ST6GALNAC3: variants seen among roughly 807,000 people sequenced by gnomAD.
ST6GALNAC3 encodes ST6 N-acetylgalactosaminide alpha-2,6-sialyltransferase 3, also known as alpha-N-acetylgalactosaminide alpha-2,6-sialyltransferase 3.
ST6GALNAC3 carries 25 observed loss-of-function variants against 32.7 expected under a neutral mutation model. The ratio of observed to expected loss-of-function variants is 0.76; its 90% confidence interval spans 0.56 to 1.07. The LOEUF is 1.07. Among genes scored for constraint, ST6GALNAC3 ranks in the 50% least tolerant of loss-of-function variants. The probability of loss-of-function intolerance (pLI) is 0.00; values close to 1 mark genes in which losing one functional copy is unlikely to be tolerated. For synonymous variants in ST6GALNAC3, 129 were observed against 133.1 expected, an observed-to-expected ratio of 0.97 and a Z score of 0.21; for missense variants, 355 against 382.4, an observed-to-expected ratio of 0.93 and a Z score of 0.60.
At chr1:76,606,295 G>T (rs991815487) in intron 3 of ST6GALNAC3, among the ~76,000 whole-genome samples, 3 of 152,132 alleles carry the variant, frequency 2.0e-5, no homozygotes, top group African/African-American at 7.2e-5. Flanking sequence ...ATTCACAATA[G>T]CAAAGACATG....
chr1:76,636,085 A>T (rs984541079), downstream of ST6GALNAC3, among the ~76,000 whole-genome samples: 1 of 152,138 alleles, frequency 6.6e-6, no homozygotes, highest in Non-Finnish European at 1.5e-5. Flanking sequence ...TTTCAGAAAA[A>T]AATTTTTGTG....
intron 3 of ST6GALNAC3, among the ~76,000 whole-genome samples, chr1:76,547,136 A>G (rs1664344971): frequency 6.6e-6 from 1 of 152,232 alleles, no homozygotes; most frequent in Admixed American, 6.5e-5. Context: ...TCCAAGCCAT[A>G]GGCTTCTTGC....
intron 1 of ST6GALNAC3, among the ~76,000 whole-genome samples, chr1:76,134,012 C>T (rs551018350): frequency 1.3e-5 from 2 of 152,288 alleles, no homozygotes; most frequent in African/African-American, 4.8e-5. Context: ...GTCCAGGAGC[C>T]ATTGACACAT....
At chr1:76,165,419 TTGA>T (rs1322782082) in intron 1 of ST6GALNAC3, among the ~76,000 whole-genome samples, 1 of 150,012 alleles carries the variant, frequency 6.7e-6, no homozygotes, top group Non-Finnish European at 1.5e-5. Flanking sequence ...CAGTCTATCA[TTGA>T]TGAGCATTTA....
At chr1:76,261,772 TC>T (rs1213164231) in intron 1 of ST6GALNAC3, among the ~76,000 whole-genome samples, 2 of 152,062 alleles carry the variant, frequency 1.3e-5, no homozygotes, top group African/African-American at 4.8e-5. Flanking sequence ...GGGCCCTAAC[TC>T]CCCTCTTTTG....
At chr1:76,392,720 A>G (rs1652660044) in intron 2 of ST6GALNAC3, among the ~76,000 whole-genome samples, 1 of 152,200 alleles carries the variant, frequency 6.6e-6, no homozygotes, top group Non-Finnish European at 1.5e-5. Context: ...CAATTCATGA[A>G]GGATATTTTT....
intron 1 of ST6GALNAC3, among the ~76,000 whole-genome samples, chr1:76,126,643 T>C (rs1390453531): frequency 6.6e-6 from 1 of 152,176 alleles, no homozygotes; most frequent in Admixed American, 6.5e-5. Flanking sequence ...GGGCTTTGGA[T>C]TCAGAGCCAT....
intron 3 of ST6GALNAC3, among the ~76,000 whole-genome samples, chr1:76,617,347 A>G (rs2100690324): frequency 6.6e-6 from 1 of 152,076 alleles, no homozygotes; most frequent in Admixed American, 6.6e-5. Context: ...AATATATTCC[A>G]ACCTGTTACA....
At chr1:76,148,309 A>G (rs1048759368) in intron 1 of ST6GALNAC3, among the ~76,000 whole-genome samples, 1 of 152,190 alleles carries the variant, frequency 6.6e-6, no homozygotes, top group African/African-American at 2.4e-5. Flanking sequence ...AAGCTCTGTT[A>G]TAAAAATTTC....
chr1:76,477,681 G>C (rs550771854), intron 3 of ST6GALNAC3, among the ~76,000 whole-genome samples: 1 of 152,172 alleles, frequency 6.6e-6, no homozygotes, highest in South Asian at 2.1e-4. Flanking sequence ...GCATTCTTGG[G>C]GCTCTTCACT....
Position 76,634,086 on chromosome 1 carries a change from A to T in ST6GALNAC3, c.*5280A>T. The T allele has an allele frequency of 1.2e-6, 1 of 868,964 alleles. No individual in the cohort carries two copies. The highest frequency in any genetic ancestry group is 1.4e-6 in the Non-Finnish European group (1 of 724,762). The allele number at this position is 868,964 out of a possible 1,614,324, so 53.8% of individuals were successfully genotyped here. On this transcript the variant is annotated 3_prime_UTR_variant, in exon 5 of 5. Transcript: ENST00000328299. ...CTACTTGTTTGTTTCTTTTCAGAAT[A>T]GGCACTTTTTTTTGAGTAGAAAACC...
chr1:76,361,421 C>T (rs1335511393), intron 2 of ST6GALNAC3, among the ~76,000 whole-genome samples: 2 of 152,096 alleles, frequency 1.3e-5, no homozygotes, highest in African/African-American at 4.8e-5. Flanking sequence ...CCTCCTATTT[C>T]CCATATAATA....
chr1:76,170,371 T>C (rs939708258), intron 1 of ST6GALNAC3, among the ~76,000 whole-genome samples: 2 of 152,104 alleles, frequency 1.3e-5, no homozygotes, highest in African/African-American at 4.8e-5. Context: ...TGGTGTTGGC[T>C]TGGGGGTGGG....
chr1:76,286,055 T>A (rs532804640), intron 1 of ST6GALNAC3, among the ~76,000 whole-genome samples: 1 of 152,182 alleles, frequency 6.6e-6, no homozygotes, highest in Non-Finnish European at 1.5e-5. Context: ...AACATTCTAC[T>A]GGAAGGAGGC....
intron 3 of ST6GALNAC3, among the ~76,000 whole-genome samples, chr1:76,621,973 T>G (rs1169843892): frequency 6.6e-6 from 1 of 152,032 alleles, no homozygotes; most frequent in Non-Finnish European, 1.5e-5. Context: ...CCCCTGAGTA[T>G]AACAGATTTC....
intron 1 of ST6GALNAC3, among the ~76,000 whole-genome samples, chr1:76,240,088 T>C (rs373229997): frequency 3.4e-4 from 52 of 152,332 alleles, no homozygotes; most frequent in African/African-American, 1.2e-3. Flanking sequence ...CTTAGCCTCA[T>C]GACCTTGAAA....
rs932553899 is a variant in ST6GALNAC3, at chr1:76,149,024, T to C, written c.18+74140T>C. Among the ~76,000 whole-genome samples the C allele has an allele frequency of 3.9e-5, 6 of 152,336 alleles. No homozygotes were observed. In the East Asian group the frequency reaches 1.2e-3, roughly 29 times the overall value. On this transcript the variant is annotated intron_variant, in intron 1 of 4. Transcript: ENST00000328299. ...TTTGTCTGTCAAATGGGTATAACAATGCTTGCCTCATCATATTCTTGCAAA... is the reference window on the plus strand; with the variant it reads ...TTTGTCTGTCAAATGGGTATAACAACGCTTGCCTCATCATATTCTTGCAAA...
At chr1:76,300,022 T>C (rs1232823272) in intron 1 of ST6GALNAC3, among the ~76,000 whole-genome samples, 1 of 152,042 alleles carries the variant, frequency 6.6e-6, no homozygotes, top group Non-Finnish European at 1.5e-5. Flanking sequence ...CCATGTGCGC[T>C]AACCTATCAG....
At chr1:76,544,574 A>G (rs1314647679) in intron 3 of ST6GALNAC3, among the ~76,000 whole-genome samples, 1 of 152,206 alleles carries the variant, frequency 6.6e-6, no homozygotes, top group Non-Finnish European at 1.5e-5. Context: ...GGCAAGAGCA[A>G]CTTGCCATTT....
Sources: allele counts gnomAD v4.1 joint callset (sites outside exome capture counted in the v4.1 genomes callset), GRCh38; gene constraint gnomAD v4.1.1; transcripts MANE v1.5; gene names NCBI Gene and HGNC (gene_info 2026-07-23, HGNC 2026-07-21).